Variants in SCN3A observed in about 807,000 individuals in gnomAD.
SCN3A encodes the protein sodium channel protein type 3 subunit alpha.
In SCN3A, 60 loss-of-function variants were observed where a neutral mutation model predicts 187.6. That is an observed-to-expected ratio of 0.32 (90% CI 0.26 to 0.40). SCN3A has a LOEUF of 0.40. Ranked by LOEUF, SCN3A falls within the 10% of genes least tolerant of loss-of-function variation. The probability of loss-of-function intolerance (pLI) is 1.00; values close to 1 mark genes in which losing one functional copy is unlikely to be tolerated. For synonymous variants in SCN3A, 788 were observed against 829.2 expected (o/e 0.95, Z 0.85); for missense variants, 1,601 against 2,428.2 (o/e 0.66, Z 7.16).
intron 21 of SCN3A, among the ~76,000 whole-genome samples, chr2:165,105,522 G>T (rs1405884914): frequency 2.0e-5 from 3 of 152,294 alleles, no homozygotes; most frequent in Non-Finnish European, 4.4e-5. Flanking sequence ...CTCAGGTAGT[G>T]GTGAGGGGCA....
chr2:165,140,574 A>G lies in SCN3A; in HGVS notation c.2019+77T>C. The G allele has an allele frequency of 1.6e-6, 2 of 1,280,030 alleles. No homozygotes were observed. Among genetic ancestry groups the G allele is most frequent in the Non-Finnish European group, 2.3e-6 (2 of 878,768 alleles). The allele number at this position is 1,280,030 out of a possible 1,614,324, so 79.3% of individuals were successfully genotyped here. ...CATTTTGAGGAAGCAGGACGGTATG[A>G]CAGCCTAAACTGTCCAGGCTTTGAT... On this transcript the variant is annotated intron_variant, in intron 13 of 27. Transcript: ENST00000283254. The surrounding 1 kb of genome is among the most constrained non-coding windows in gnomAD (Gnocchi z 4.2).
intron 19 of SCN3A, 97 bp downstream of exon 19, chr2:165,115,358 C>A (rs754345012): frequency 7.2e-6 from 11 of 1,538,244 alleles, no homozygotes; most frequent in African/African-American, 1.4e-5. Flanking sequence ...TAAGCCACCA[C>A]ACCTCGTTTC....
At chr2:165,151,801 A>G (rs1045308360) in intron 11 of SCN3A, among the ~76,000 whole-genome samples, 3 of 152,120 alleles carry the variant, frequency 2.0e-5, no homozygotes, top group African/African-American at 4.8e-5. Flanking sequence ...TTCACCAAGC[A>G]TGTGTCTTAG....
At chr2:165,167,346 T>C (rs1302305688) in intron 5 of SCN3A, among the ~76,000 whole-genome samples, 1 of 151,180 alleles carries the variant, frequency 6.6e-6, no homozygotes, top group Non-Finnish European at 1.5e-5. Flanking sequence ...TACAATAATT[T>C]CTAGGCAGCA....
In SCN3A at chr2:165,139,378, G is replaced by A. The variant is rs897419664; in HGVS notation, c.2152+98C>T. The A allele has an allele frequency of 7.4e-5, 114 of 1,534,444 alleles. No homozygotes were observed. In the African/African-American group the frequency reaches 1.1e-3, roughly 14 times the overall value. On this transcript the variant is annotated intron_variant, in intron 14 of 27. Transcript: ENST00000283254. ...ATTCTTAGGTCTAATATATAGTTTC[G>A]ATCTGGGTAACAGACTTCAGTAATT...
intron 1 of SCN3A, among the ~76,000 whole-genome samples, chr2:165,193,208 GC>G (rs1424297409): frequency 6.6e-6 from 1 of 152,054 alleles, no homozygotes; most frequent in Non-Finnish European, 1.5e-5. Context: ...TAAGCAAGAG[GC>G]GAATCCCTTA....
chr2:165,163,326 A>G (rs1420492351), intron 7 of SCN3A, among the ~76,000 whole-genome samples: 1 of 152,138 alleles, frequency 6.6e-6, no homozygotes, highest in African/African-American at 2.4e-5. Context: ...TAAAATCCAA[A>G]TCTGTTAGTA....
At chr2:165,164,332 T>G in intron 6 of SCN3A, 60 bp downstream of exon 6, 4 of 1,607,950 alleles carry the variant, frequency 2.5e-6, no homozygotes, top group Non-Finnish European at 3.4e-6. Flanking sequence ...CACAAAGACC[T>G]TGTTTGTACT....
intron 15 of SCN3A, among the ~76,000 whole-genome samples, chr2:165,136,842 A>G (rs1687699376): frequency 6.6e-6 from 1 of 152,186 alleles, no homozygotes; most frequent in African/African-American, 2.4e-5. Context: ...AGGGCACACA[A>G]TTATCCAATT....
At chr2:165,127,424 A>C (rs1443155948) in intron 18 of SCN3A, among the ~76,000 whole-genome samples, 1 of 152,206 alleles carries the variant, frequency 6.6e-6, no homozygotes, top group African/African-American at 2.4e-5. Flanking sequence ...CTAAAGACTC[A>C]GAATGGTTTA....
intron 21 of SCN3A, among the ~76,000 whole-genome samples, chr2:165,109,290 G>C (rs1367522024): frequency 6.6e-6 from 1 of 152,012 alleles, no homozygotes; most frequent in Non-Finnish European, 1.5e-5. Context: ...CAGGTTTGTA[G>C]CTTCAAATGC....
intron 2 of SCN3A, among the ~76,000 whole-genome samples, chr2:165,185,104 T>A (rs1285629535): frequency 6.6e-6 from 1 of 152,136 alleles, no homozygotes; most frequent in East Asian, 1.9e-4. Context: ...GGTTCATCTC[T>A]ATCTTCAAGA....
chr2:165,095,427 A>G (rs1685320723), intron 25 of SCN3A, 84 bp downstream of exon 25: 2 of 1,374,188 alleles, frequency 1.5e-6, no homozygotes, highest in African/African-American at 1.4e-5. Context: ...TAAGTCTGTC[A>G]TGACCACAGG....
At position 165,139,652 on chromosome 2, in the gene SCN3A, G is replaced by A. The variant is rs777723784; in HGVS notation, c.2020-44C>T. 7.4e-6 allele frequency: 12 copies of A among 1,610,946 alleles called. No homozygotes were observed. The South Asian group carries it at 1.2e-4, about 16-fold the overall frequency. ...TGGCTCAAACCACTCTTCCCAATAA[G>A]TAATACAACACCACATAGCATTTCT... On this transcript the variant is annotated intron_variant, in intron 13 of 27. Coordinates refer to ENST00000283254, the MANE Select transcript of SCN3A (RefSeq NM_006922.4).
Position 165,125,373 on chromosome 2 carries a change from C to T in SCN3A, c.3393+2258G>A, listed in dbSNP as rs191864081. The stretch of plus-strand genomic sequence containing the variant: ...GGCTGGAGTGCAGTGGCGCAATCTC[C>T]GCTCACTGCAAGCTCCGCCTACCGG... On this transcript the variant is annotated intron_variant, in intron 18 of 27. Coordinates refer to ENST00000283254, the MANE Select transcript of SCN3A (RefSeq NM_006922.4). Among the ~76,000 whole-genome samples the T allele has an allele frequency of 6.3e-3, 956 of 152,006 alleles. 13 individuals carry two copies. Among genetic ancestry groups the T allele is most frequent in the African/African-American group, 0.017 (722 of 41,482 alleles).
intron 1 of SCN3A, among the ~76,000 whole-genome samples, chr2:165,201,438 T>G (rs1553546201): frequency 6.6e-6 from 1 of 152,050 alleles, no homozygotes. Flanking sequence ...TGATGAAAAT[T>G]TATGCCTTTA....
chr2:165,200,895 A>G (rs907475179), intron 1 of SCN3A, among the ~76,000 whole-genome samples: 5 of 152,074 alleles, frequency 3.3e-5, no homozygotes, highest in Admixed American at 6.6e-5. Flanking sequence ...ATCAAGCACA[A>G]TTTGCCTTTC....
At position 165,203,915 on chromosome 2, in the gene SCN3A, C is replaced by CTTTTT. The variant is rs762858535; in HGVS notation, c.-345_-341dup. The CTTTTT allele has an allele frequency of 8.4e-5, 8 of 94,680 alleles. No homozygotes were observed. The highest frequency in any genetic ancestry group is 1.2e-4 in the Non-Finnish European group (6 of 49,154). 5.9% of individuals were successfully genotyped at this position (94,680 alleles called of 1,614,324 possible). A position where few individuals can be genotyped will look rare whatever the true frequency, so the allele number is the denominator to read the frequency against. The stretch of plus-strand genomic sequence containing the variant: ...CGTGTCTTCCTCTGCAGCTGTTCAG[C>CTTTTT]TTTTTTTTTTTTTTTTTTTTTTGAC... On this transcript the variant is annotated 5_prime_UTR_variant, in exon 1 of 28. Coordinates refer to ENST00000283254, the MANE Select transcript of SCN3A (RefSeq NM_006922.4).
intron 5 of SCN3A, among the ~76,000 whole-genome samples, chr2:165,166,968 T>G (rs1247991775): frequency 6.6e-6 from 1 of 151,956 alleles, no homozygotes; most frequent in African/African-American, 2.4e-5. Context: ...GGTGGGATCT[T>G]GGCTCACTGC....
Sources: allele counts gnomAD v4.1 joint callset (sites outside exome capture counted in the v4.1 genomes callset), GRCh38; gene constraint gnomAD v4.1.1; non-coding constraint Gnocchi (gnomAD v3.1); transcripts MANE v1.5; gene names NCBI Gene and HGNC (gene_info 2026-07-23, HGNC 2026-07-21).